Variants in FAT3 observed in about 807,000 individuals in gnomAD.
FAT3 encodes FAT atypical cadherin 3.
Under a neutral mutation model 310.2 loss-of-function variants are expected in FAT3, and 95 were observed. That is an observed-to-expected ratio of 0.31 (90% CI 0.26 to 0.36). The LOEUF (loss-of-function observed/expected upper bound fraction) is 0.36. Among genes scored for constraint, FAT3 ranks in the 10% least tolerant of loss-of-function variants. The pLI, the probability that FAT3 is intolerant of heterozygous loss-of-function variation, is 1.00. For synonymous variants in FAT3, 2,314 were observed against 2,192.9 expected, an observed-to-expected ratio of 1.06 and a Z score of -1.54; for missense variants, 5,408 against 5,715.6, an observed-to-expected ratio of 0.95 and a Z score of 1.74.
chr11:92,746,357 A>G (rs1163890922), intron 4 of FAT3, among the ~76,000 whole-genome samples: 1 of 152,132 alleles, frequency 6.6e-6, no homozygotes, highest in Non-Finnish European at 1.5e-5. Flanking sequence ...TCTCATTTAT[A>G]AAACCATCAG....
chr11:92,738,197 C>T (rs1423533237), intron 4 of FAT3, among the ~76,000 whole-genome samples: 4 of 152,090 alleles, frequency 2.6e-5, no homozygotes, highest in Admixed American at 2.0e-4. Flanking sequence ...TTAAACATCC[C>T]ATTTTATGAG....
intron 4 of FAT3, among the ~76,000 whole-genome samples, chr11:92,752,481 C>G (rs1197937217): frequency 2.6e-5 from 4 of 152,246 alleles, no homozygotes; most frequent in Admixed American, 6.5e-5. Context: ...CTGCATCTCA[C>G]AGTGAGTACT....
chr11:92,624,346 C>T (rs1941226472), intron 3 of FAT3, among the ~76,000 whole-genome samples: 1 of 152,120 alleles, frequency 6.6e-6, no homozygotes, highest in South Asian at 2.1e-4. Flanking sequence ...AAAGTTGGAA[C>T]CATGGATTTG....
intron 4 of FAT3, among the ~76,000 whole-genome samples, chr11:92,741,384 G>T (rs75933620): frequency 6.6e-6 from 1 of 152,250 alleles, no homozygotes; most frequent in African/African-American, 2.4e-5. Flanking sequence ...AGACAAAGTG[G>T]TTATAATACA....
chr11:92,565,164 A>C lies in FAT3; in HGVS notation c.3607+40216A>C, dbSNP rs577529027. Among the ~76,000 whole-genome samples, 3 of 145,074 alleles carry C rather than the reference A, an allele frequency of 2.1e-5. No homozygotes were observed. In the East Asian group the frequency reaches 6.2e-4, roughly 30 times the overall value. On this transcript the variant is annotated intron_variant, in intron 3 of 27. Transcript: ENST00000525166. ...GCAAGACTAATAAAGAAAAAAAGAG[A>C]GAAGAATCAAATAGACACAATAAAA... is the stretch of plus-strand genomic sequence containing the variant.
chr11:92,449,143 C>G (rs955905592), intron 2 of FAT3, among the ~76,000 whole-genome samples: 1 of 152,146 alleles, frequency 6.6e-6, no homozygotes, highest in Non-Finnish European at 1.5e-5. Context: ...GGAGCCCGAG[C>G]AATGCCAATA....
At chr11:92,638,415 T>G (rs1941845450) in intron 3 of FAT3, among the ~76,000 whole-genome samples, 1 of 152,228 alleles carries the variant, frequency 6.6e-6, no homozygotes, top group African/African-American at 2.4e-5. Context: ...TGTATTCCAC[T>G]GTGATTGTCG....
chr11:92,648,911 A>T (rs1283741727), intron 3 of FAT3, among the ~76,000 whole-genome samples: 1 of 152,110 alleles, frequency 6.6e-6, no homozygotes, highest in East Asian at 1.9e-4. Context: ...GTATCTCTGG[A>T]TTACTTCCTC....
chr11:92,543,867 A>G (rs1954529426), intron 3 of FAT3, among the ~76,000 whole-genome samples: 1 of 152,194 alleles, frequency 6.6e-6, no homozygotes. Context: ...TGAGTAACAC[A>G]TCTTCCCTCA....
intron 2 of FAT3, among the ~76,000 whole-genome samples, chr11:92,403,819 G>A (rs564209575): frequency 1.3e-5 from 2 of 152,240 alleles, no homozygotes; most frequent in South Asian, 4.2e-4. Context: ...GGAGGATCAC[G>A]AGGTCAGGAG....
chr11:92,347,447 A>G (rs368847224), intron 1 of FAT3, among the ~76,000 whole-genome samples: 93 of 152,320 alleles, frequency 6.1e-4, no homozygotes, highest in African/African-American at 2.1e-3. Context: ...ATATATTTTT[A>G]AAATACCTTT....
chr11:92,293,075 AGG>A (rs1946738871), intron 1 of FAT3, among the ~76,000 whole-genome samples: 6 of 143,334 alleles, frequency 4.2e-5, no homozygotes, highest in East Asian at 4.6e-4. Flanking sequence ...GAAGGAAGGA[AGG>A]AAAGAAGGAA....
At chr11:92,331,115 A>G (rs1293150337) in intron 1 of FAT3, among the ~76,000 whole-genome samples, 1 of 152,124 alleles carries the variant, frequency 6.6e-6, no homozygotes, top group African/African-American at 2.4e-5. Context: ...TTATCATGTC[A>G]GATAAAATAT....
At chr11:92,780,274 A>G (rs1591721940) in intron 7 of FAT3, among the ~76,000 whole-genome samples, 1 of 147,802 alleles carries the variant, frequency 6.8e-6, no homozygotes, top group Admixed American at 6.9e-5. Context: ...CAATCCTCCC[A>G]CCTCAAGCCT....
chr11:92,652,907 A>G (rs984142886), intron 3 of FAT3, among the ~76,000 whole-genome samples: 3 of 152,292 alleles, frequency 2.0e-5, no homozygotes, highest in Admixed American at 2.0e-4. Context: ...TCACGCCTGT[A>G]ATCCCAGCAG....
chr11:92,232,711 A>G (rs61745706), intron 1 of FAT3, among the ~76,000 whole-genome samples: 1,525 of 128,726 alleles, frequency 0.012, 14 homozygotes, highest in Middle Eastern at 0.026. Flanking sequence ...GATTATTTCC[A>G]TGGAGTGGAC....
At chr11:92,657,592 A>G (rs554974387) in intron 3 of FAT3, among the ~76,000 whole-genome samples, 64 of 152,360 alleles carry the variant, frequency 4.2e-4, no homozygotes, top group African/African-American at 1.5e-3. Flanking sequence ...GGAATTCACA[A>G]ATCTTTGAAG....
intron 1 of FAT3, among the ~76,000 whole-genome samples, chr11:92,237,696 T>G (rs1326927530): frequency 1.3e-5 from 2 of 152,168 alleles, no homozygotes; most frequent in Non-Finnish European, 2.9e-5. Flanking sequence ...CACACTTTCT[T>G]GCCTCTTGAG....
chr11:92,325,664 G>A (rs766868767), intron 1 of FAT3, among the ~76,000 whole-genome samples: 4 of 152,160 alleles, frequency 2.6e-5, no homozygotes, highest in Middle Eastern at 3.4e-3. Context: ...GATGAGTCTC[G>A]CTCTGTCACC....
Sources: gnomAD v4.1 joint callset for allele counts (sites outside exome capture counted in the v4.1 genomes callset) on GRCh38, gnomAD v4.1.1 for gene constraint, MANE v1.5 for transcripts, NCBI Gene and HGNC (gene_info 2026-07-23, HGNC 2026-07-21) for gene names.